Variants in ADGRV1 observed in about 807,000 individuals in gnomAD.
ADGRV1 encodes G-protein coupled receptor 98.
In ADGRV1, 359 loss-of-function variants were observed where a neutral mutation model predicts 596.2. That is an observed-to-expected ratio of 0.60 (90% confidence interval 0.55 to 0.66). The LOEUF is 0.66. ADGRV1 is among the 30% of genes least tolerant of loss of function. ADGRV1 has a pLI of 0.00. For synonymous variants in ADGRV1, 2,681 were observed against 2,679.2 expected (o/e 1.00, Z -0.02); for missense variants, 7,274 against 7,575.6 (o/e 0.96, Z 1.48).
At chr5:90,667,746 T>C (rs1771692280) in intron 21 of ADGRV1, among the ~76,000 whole-genome samples, 2 of 152,252 alleles carry the variant, frequency 1.3e-5, no homozygotes, top group Admixed American at 6.5e-5. Context: ...GTGGTTTATC[T>C]ACTGTTGGTC....
At chr5:90,570,929 C>T (rs931209336) in intron 1 of ADGRV1, among the ~76,000 whole-genome samples, 1 of 152,028 alleles carries the variant, frequency 6.6e-6, no homozygotes, top group African/African-American at 2.4e-5. Flanking sequence ...GGTATGTTCT[C>T]CAGGGACAGT....
intron 75 of ADGRV1, among the ~76,000 whole-genome samples, chr5:90,819,908 G>C (rs1763305362): frequency 6.6e-6 from 1 of 151,990 alleles, no homozygotes; most frequent in Non-Finnish European, 1.5e-5. Context: ...TTGGGGTGGA[G>C]AGTTCTGTAG....
intron 1 of ADGRV1, among the ~76,000 whole-genome samples, chr5:90,589,647 G>A (rs1301666368): frequency 1.3e-5 from 2 of 152,104 alleles, no homozygotes; most frequent in Non-Finnish European, 2.9e-5. Context: ...CTTATGGGTG[G>A]AGAAGACATT....
chr5:90,785,726 G>A (rs926924421), intron 67 of ADGRV1, among the ~76,000 whole-genome samples: 1 of 152,166 alleles, frequency 6.6e-6, no homozygotes, highest in Admixed American at 6.5e-5. Context: ...AGTTAGAATG[G>A]CGATCATTAA....
chr5:90,865,568 A>G (rs796166260), intron 83 of ADGRV1, among the ~76,000 whole-genome samples: 137 of 152,290 alleles, frequency 9.0e-4, no homozygotes, highest in African/African-American at 3.2e-3. Context: ...TTTAGAATAC[A>G]TGAAACAATG....
At chr5:90,846,850 G>A (rs925686396) in intron 78 of ADGRV1, among the ~76,000 whole-genome samples, 4 of 152,272 alleles carry the variant, frequency 2.6e-5, no homozygotes, top group East Asian at 1.9e-4. Flanking sequence ...ACAGAGAGCC[G>A]ATTGGTCTGT....
intron 83 of ADGRV1, among the ~76,000 whole-genome samples, chr5:90,901,990 A>G (rs1307488706): frequency 1.3e-5 from 2 of 152,126 alleles, no homozygotes; most frequent in Admixed American, 1.3e-4. Context: ...GCAGAAGTCC[A>G]GGTGAAAGAT....
intron 29 of ADGRV1, among the ~76,000 whole-genome samples, chr5:90,686,435 C>A (rs961258375): frequency 6.6e-6 from 1 of 151,988 alleles, no homozygotes; most frequent in Non-Finnish European, 1.5e-5. Flanking sequence ...TCATTGTTCA[C>A]TTCCCACCTA....
At chr5:90,730,354 A>G (rs1752399460) in intron 50 of ADGRV1, among the ~76,000 whole-genome samples, 1 of 152,220 alleles carries the variant, frequency 6.6e-6, no homozygotes, top group Non-Finnish European at 1.5e-5. Context: ...AAAATAATAT[A>G]TTTCTTTTGT....
intron 1 of ADGRV1, among the ~76,000 whole-genome samples, chr5:90,584,458 A>T (rs1456257518): frequency 6.6e-6 from 1 of 152,198 alleles, no homozygotes; most frequent in Non-Finnish European, 1.5e-5. Context: ...AAAATTAATG[A>T]CTTAAAATAA....
At chr5:90,818,810 G>T (rs941489133) in intron 75 of ADGRV1, among the ~76,000 whole-genome samples, 12 of 151,266 alleles carry the variant, frequency 7.9e-5, no homozygotes, top group African/African-American at 2.7e-4. Context: ...TGCTGGATTC[G>T]TTTTGCCAGT....
intron 85 of ADGRV1, among the ~76,000 whole-genome samples, chr5:91,039,259 G>A (rs1354710716): frequency 6.6e-6 from 1 of 152,172 alleles, no homozygotes; most frequent in African/African-American, 2.4e-5. Context: ...TACCCAAGAT[G>A]TTTTCACGCT....
chr5:90,681,659 A>G (rs2149575741), intron 27 of ADGRV1, among the ~76,000 whole-genome samples: 1 of 152,260 alleles, frequency 6.6e-6, no homozygotes, highest in South Asian at 2.1e-4. Context: ...TCATTGTTTA[A>G]TTCTGAAGAT....
intron 83 of ADGRV1, among the ~76,000 whole-genome samples, chr5:90,949,574 G>T (rs1273327655): frequency 2.6e-5 from 4 of 152,198 alleles, no homozygotes; most frequent in Admixed American, 6.5e-5. Context: ...GGAAGAGCAA[G>T]TTCCAGAATA....
intron 1 of ADGRV1, among the ~76,000 whole-genome samples, chr5:90,559,463 T>C (rs1754523527): frequency 6.6e-6 from 1 of 152,278 alleles, no homozygotes; most frequent in Non-Finnish European, 1.5e-5. Flanking sequence ...TAGAATAATA[T>C]GTATATGTAT....
Position 90,837,288 on chromosome 5 carries a change from A to C in ADGRV1, c.16612-3290A>C, listed in dbSNP as rs191691511. ...ATATGTGTGCTAGCTGAAAGCACAC[A>C]AGTTCAAGAAAGACCATGTGTTTTC... On this transcript the variant is annotated intron_variant, in intron 77 of 89. Transcript: ENST00000405460. Among the ~76,000 whole-genome samples, 153 of 152,352 alleles carry C rather than the reference A, an allele frequency of 1.0e-3. 1 individual carries two copies. The highest frequency in any genetic ancestry group is 1.5e-4 in the Non-Finnish European group (10 of 68,022).
intron 1 of ADGRV1, among the ~76,000 whole-genome samples, chr5:90,612,789 A>G (rs2152045718): frequency 6.6e-6 from 1 of 152,232 alleles, no homozygotes; most frequent in Admixed American, 6.5e-5. Flanking sequence ...TATAGCATTG[A>G]AAAGTTCAGT....
chr5:90,920,962 A>T (rs911829262), intron 83 of ADGRV1, among the ~76,000 whole-genome samples: 1 of 152,144 alleles, frequency 6.6e-6, no homozygotes, highest in East Asian at 1.9e-4. Context: ...TTAGGTTTAA[A>T]TTTTGTTATC....
chr5:90,977,565 T>C (rs1375777377), intron 84 of ADGRV1, among the ~76,000 whole-genome samples: 2 of 152,232 alleles, frequency 1.3e-5, no homozygotes, highest in African/African-American at 2.4e-5. Flanking sequence ...TATGAAGATA[T>C]ATGAATAAGC....
Sources: allele counts gnomAD v4.1 joint callset (sites outside exome capture counted in the v4.1 genomes callset), GRCh38; gene constraint gnomAD v4.1.1; transcripts MANE v1.5; gene names NCBI Gene and HGNC (gene_info 2026-07-23, HGNC 2026-07-21).